Variants in PCDH15 observed in about 807,000 individuals in gnomAD.
PCDH15 encodes protocadherin related 15, also known as protocadherin-15.
In PCDH15, 129 loss-of-function variants were observed where a neutral mutation model predicts 178.5. The ratio of observed to expected loss-of-function variants is 0.72; its 90% CI spans 0.63 to 0.84. The LOEUF is 0.84. PCDH15 is among the 40% of genes least tolerant of loss of function. The probability of loss-of-function intolerance (pLI) is 0.00; values close to 1 mark genes in which losing one functional copy is unlikely to be tolerated. For synonymous variants in PCDH15, 800 were observed against 732.0 expected (o/e 1.09, Z -1.50); for missense variants, 2,230 against 2,099.9 (o/e 1.06, Z -1.21).
At chr10:54,961,069 T>C (rs1354026790) in intron 2 of PCDH15, among the ~76,000 whole-genome samples, 1 of 152,214 alleles carries the variant, frequency 6.6e-6, no homozygotes, top group East Asian at 1.9e-4. Context: ...GAAAAATATA[T>C]ATCAAATTGA....
At chr10:54,403,651 T>C (rs1952229217) in intron 3 of PCDH15, among the ~76,000 whole-genome samples, 2 of 151,894 alleles carry the variant, frequency 1.3e-5, no homozygotes. Context: ...GAAGTCAAAC[T>C]ACCCCTGCTA....
intron 27 of PCDH15, among the ~76,000 whole-genome samples, chr10:53,862,557 G>A (rs778890066): frequency 6.6e-6 from 1 of 152,174 alleles, no homozygotes; most frequent in Non-Finnish European, 1.5e-5. Context: ...CAAGTTTACA[G>A]TGACAGGTAC....
intron 3 of PCDH15, among the ~76,000 whole-genome samples, chr10:54,437,904 C>G (rs540911353): frequency 6.6e-6 from 1 of 152,258 alleles, no homozygotes; most frequent in Non-Finnish European, 1.5e-5. Context: ...TCATCACTAC[C>G]TTTAAATATG....
chr10:54,258,036 T>G (rs1347179657), intron 8 of PCDH15, among the ~76,000 whole-genome samples: 1 of 152,106 alleles, frequency 6.6e-6, no homozygotes, highest in East Asian at 1.9e-4. Flanking sequence ...ATGTTTAACA[T>G]GTAAAAGATA....
At chr10:55,309,552 C>G (rs1352085246) in intron 1 of PCDH15, among the ~76,000 whole-genome samples, 1 of 151,690 alleles carries the variant, frequency 6.6e-6, no homozygotes, top group East Asian at 1.9e-4. Flanking sequence ...AAGATACTTT[C>G]TTTGACATTG....
At chr10:54,074,080 G>A (rs545359942) in intron 17 of PCDH15, among the ~76,000 whole-genome samples, 1 of 152,252 alleles carries the variant, frequency 6.6e-6, no homozygotes, top group African/African-American at 2.4e-5. Context: ...GCAGAAGATG[G>A]GAATGAAAGT....
At chr10:54,113,076 A>C (rs2095053724) in intron 15 of PCDH15, among the ~76,000 whole-genome samples, 1 of 152,206 alleles carries the variant, frequency 6.6e-6, no homozygotes, top group African/African-American at 2.4e-5. Flanking sequence ...TGGTGCCTAA[A>C]GCAGTTTTAG....
intron 1 of PCDH15, among the ~76,000 whole-genome samples, chr10:54,710,695 GA>G (rs529556110): frequency 3.3e-5 from 5 of 151,678 alleles, no homozygotes; most frequent in Admixed American, 3.3e-4. Flanking sequence ...ACTTCATCTA[GA>G]AAAAAATGAG....
chr10:54,099,435 C>T (rs546995744), intron 15 of PCDH15, among the ~76,000 whole-genome samples: 11 of 137,736 alleles, frequency 8.0e-5, no homozygotes, highest in African/African-American at 3.0e-4. Context: ...GGAGGAGGAG[C>T]TTGCAGTGAG....
intron 1 of PCDH15, among the ~76,000 whole-genome samples, chr10:54,670,059 A>C (rs1278680475): frequency 6.6e-6 from 1 of 152,108 alleles, no homozygotes; most frequent in Non-Finnish European, 1.5e-5. Context: ...TTCCATTTCA[A>C]ATAAAAAGAA....
intron 2 of PCDH15, among the ~76,000 whole-genome samples, chr10:54,945,499 T>C (rs1422152597): frequency 2.0e-5 from 3 of 151,710 alleles, no homozygotes; most frequent in Admixed American, 1.3e-4. Context: ...GTGATTCAGT[T>C]TGTCATTTGC....
At chr10:54,640,208 T>C (rs944409193) in intron 2 of PCDH15, among the ~76,000 whole-genome samples, 1 of 152,124 alleles carries the variant, frequency 6.6e-6, no homozygotes, top group East Asian at 1.9e-4. Flanking sequence ...TTATTTTGCA[T>C]ATTTAAACAT....
chr10:54,530,385 G>C lies in PCDH15; in HGVS notation c.92-2508C>G, dbSNP rs140608123. Among the ~76,000 whole-genome samples, 108 of 151,878 alleles carry C rather than the reference G, an allele frequency of 7.1e-4. No homozygotes were observed. The Middle Eastern group carries it at 0.024, about 33-fold the overall frequency. On this transcript the variant is annotated intron_variant, in intron 2 of 37. Coordinates refer to ENST00000644397, the MANE Select transcript of PCDH15 (RefSeq NM_001384140.1). ...TTAAGTCCTTATTCTCTGTATTCCTGCAGTACACACTGTATCCCATTGGAC... is the reference window on the plus strand; with the variant it reads ...TTAAGTCCTTATTCTCTGTATTCCTCCAGTACACACTGTATCCCATTGGAC...
In PCDH15 at chr10:53,822,017, T is replaced by C. The variant is rs747899393; in HGVS notation, c.4368-1787A>G. ...CATTTGTGCGTAGATAGTTTTTTTC[T>C]ATTTGACTGTACATGTTAGCTACTG... is the stretch of plus-strand genomic sequence containing the variant. On this transcript the variant is annotated intron_variant, in intron 32 of 37. Coordinates refer to ENST00000644397, the MANE Select transcript of PCDH15 (RefSeq NM_001384140.1). 5 of 1,614,052 alleles carry C rather than the reference T, an allele frequency of 3.1e-6. No homozygotes were observed. In the Admixed American group the frequency reaches 5.0e-5, roughly 16 times the overall value.
chr10:55,448,952 A>T (rs1383240722), intron 2 of PCDH15, among the ~76,000 whole-genome samples: 1 of 152,062 alleles, frequency 6.6e-6, no homozygotes, highest in Non-Finnish European at 1.5e-5. Flanking sequence ...ATCAGGTTTG[A>T]TTCTATCATC....
chr10:54,170,046 C>A (rs1280858190), intron 13 of PCDH15, among the ~76,000 whole-genome samples: 1 of 144,310 alleles, frequency 6.9e-6, no homozygotes, highest in African/African-American at 2.7e-5. Context: ...TTAATCCCAG[C>A]CTCTCTTCGC....
intron 7 of PCDH15, among the ~76,000 whole-genome samples, chr10:54,318,070 C>CGCCTCTGA (rs2061388664): frequency 1.3e-5 from 2 of 152,150 alleles, no homozygotes; most frequent in South Asian, 4.1e-4. Context: ...TCCTTCTCTG[C>CGCCTCTGA]GCCTCTGAGG....
intron 2 of PCDH15, among the ~76,000 whole-genome samples, chr10:54,593,342 A>G (rs1275874075): frequency 6.6e-6 from 1 of 151,982 alleles, no homozygotes; most frequent in East Asian, 1.9e-4. Flanking sequence ...TTTTAAGTTA[A>G]TTTTTATTTT....
At chr10:54,664,707 A>G (rs1590921991) in intron 1 of PCDH15, among the ~76,000 whole-genome samples, 1 of 152,132 alleles carries the variant, frequency 6.6e-6, no homozygotes, top group African/African-American at 2.4e-5. Flanking sequence ...GAGCATTTCA[A>G]TGAAAATTTG....
Sources: gnomAD v4.1 joint callset for allele counts (sites outside exome capture counted in the v4.1 genomes callset) on GRCh38, gnomAD v4.1.1 for gene constraint, MANE v1.5 for transcripts, NCBI Gene and HGNC (gene_info 2026-07-23, HGNC 2026-07-21) for gene names.